The following UPP1 variants were observed in gnomAD, a reference collection of about 807,000 sequenced individuals.
The protein encoded by UPP1 is UPase 1.
A neutral mutation model predicts 29.6 loss-of-function variants in UPP1; 25 were observed. The observed-to-expected ratio is 0.85, with a 90% confidence interval of 0.62 to 1.18. The LOEUF (loss-of-function observed/expected upper bound fraction) is 1.18. UPP1 is among the 50% of genes most tolerant of loss of function. The pLI, the probability that UPP1 is intolerant of heterozygous loss-of-function variation, is 0.00. For missense variants in UPP1, 368 were observed against 410.4 expected (o/e 0.90, Z 0.89); for synonymous variants, 165 against 159.8 (o/e 1.03, Z -0.25).
At chr7:48,100,743 T>C (rs1792375377) in intron 4 of UPP1, among the ~76,000 whole-genome samples, 1 of 152,232 alleles carries the variant, frequency 6.6e-6, no homozygotes, top group South Asian at 2.1e-4. Context: ...CATCCTGTTC[T>C]TTGATAGTGT....
chr7:48,103,700 T>C, intron 6 of UPP1: 1 of 1,241,742 alleles, frequency 8.1e-7, no homozygotes, highest in Non-Finnish European at 1.1e-6. Context: ...GTCTGCTTGA[T>C]TCTGTCTTAT....
intron 4 of UPP1, among the ~76,000 whole-genome samples, chr7:48,101,158 C>T (rs1440460653): frequency 1.3e-5 from 2 of 152,102 alleles, no homozygotes; most frequent in Non-Finnish European, 1.5e-5. Context: ...TCTGCCTGCC[C>T]ACTCCCAAAG....
rs374652448 is a variant in UPP1 at position 48,107,098 on chromosome 7, C to T, written c.646+16C>T. The T allele has an allele frequency of 4.7e-5, 75 of 1,609,180 alleles. No individual in the cohort carries two copies. Among genetic ancestry groups the T allele is most frequent in the Non-Finnish European group, 6.3e-5 (74 of 1,177,968 alleles). ...TTCTATGAAGGTGAGGCAGCGGATA[C>T]GAGGAGGCATCTTTCAGCCAGGGAA... On this transcript the variant is annotated intron_variant, in intron 7 of 8. Coordinates refer to ENST00000395564, the MANE Select transcript of UPP1 (RefSeq NM_003364.4).
At chr7:48,105,202 T>G (rs572488877) in intron 6 of UPP1, 1 of 152,384 alleles carries the variant, frequency 6.6e-6, no homozygotes, top group Non-Finnish European at 1.5e-5. Flanking sequence ...TGCGTCCCAA[T>G]GTGAGTGATG....
Position 48,094,828 on chromosome 7 carries a change from G to C in UPP1, c.44+1G>C. 6.3e-7 allele frequency: 1 copy of C among 1,579,328 alleles called. No individual in the cohort carries two copies. Among genetic ancestry groups the C allele is most frequent in the South Asian group, 1.1e-5 (1 of 90,650 alleles). On this transcript the variant is annotated splice_donor_variant, in intron 3 of 8. Transcript: ENST00000395564. LOFTEE classifies it high-confidence loss of function. ...ATGCAGAGAAAGCTGAAAGTCACAA[G>C]TAAGGCTCCATTTCATTCCAGGTTG...
At chr7:48,091,133 TCTC>T (rs1488764179) in intron 2 of UPP1, among the ~76,000 whole-genome samples, 3 of 152,000 alleles carry the variant, frequency 2.0e-5, no homozygotes, top group Non-Finnish European at 4.4e-5. Context: ...TCTTCTTCCT[TCTC>T]CTCTCTCTCT....
intron 3 of UPP1, among the ~76,000 whole-genome samples, chr7:48,097,962 G>C (rs1195915394): frequency 6.6e-6 from 1 of 152,196 alleles, no homozygotes; most frequent in Non-Finnish European, 1.5e-5. Flanking sequence ...TGATTCTGGA[G>C]ATCCCCCCAA....
At chr7:48,096,185 C>G (rs1449757353) in intron 3 of UPP1, among the ~76,000 whole-genome samples, 1 of 152,158 alleles carries the variant, frequency 6.6e-6, no homozygotes, top group African/African-American at 2.4e-5. Flanking sequence ...CTCCCCTTCC[C>G]TCTCTTCAGT....
At chr7:48,099,012 C>T (rs1792275534) in intron 3 of UPP1, among the ~76,000 whole-genome samples, 1 of 151,854 alleles carries the variant, frequency 6.6e-6, no homozygotes, top group Non-Finnish European at 1.5e-5. Context: ...TAGCAGAAAT[C>T]ATGCAGCCTG....
intron 6 of UPP1, chr7:48,103,666 G>A (rs1363365535): frequency 9.4e-7 from 1 of 1,058,598 alleles, no homozygotes; most frequent in Non-Finnish European, 1.3e-6. Flanking sequence ...CATCCTTTTG[G>A]GGTTACACAA....
chr7:48,098,638 G>A (rs545533618), intron 3 of UPP1, among the ~76,000 whole-genome samples: 2 of 152,308 alleles, frequency 1.3e-5, no homozygotes. Context: ...CTGAGACCTT[G>A]CCTCTCTTGT....
chr7:48,103,961 T>C, intron 6 of UPP1: 1 of 1,229,166 alleles, frequency 8.1e-7, no homozygotes, highest in East Asian at 5.7e-5. Context: ...GGCTCACACC[T>C]GTAATCCCAG....
At chr7:48,099,583 C>A in intron 3 of UPP1, 87 bp from the exon 4 acceptor site, 1 of 903,358 alleles carries the variant, frequency 1.1e-6, no homozygotes, top group Non-Finnish European at 1.8e-6. Context: ...CCATGAGCCT[C>A]GTGTCTGACA....
chr7:48,101,966 C>CGGTGCT lies in UPP1; in HGVS notation c.307_312dup (p.Val103_Leu104dup), dbSNP rs1562655185. ...CGCTATGCCATGTATAAAGTAGGAC[C>CGGTGCT]GGTGCTGTCTGTCAGTGTGAGTACC... On this transcript the variant is annotated inframe_insertion, in exon 5 of 9. Coordinates refer to ENST00000395564, the MANE Select transcript of UPP1 (RefSeq NM_003364.4). 1 of 1,613,554 alleles carries CGGTGCT rather than the reference C, an allele frequency of 6.2e-7. No individual in the cohort carries two copies.
Position 48,102,001 on chromosome 7 carries a change from T to G in UPP1, c.321+19T>G. 1.9e-6 allele frequency: 3 copies of G among 1,609,744 alleles called. No homozygotes were observed. The South Asian group carries it at 3.3e-5, about 18-fold the overall frequency. On this transcript the variant is annotated intron_variant, in intron 5 of 8. Transcript: ENST00000395564. ...TGTCAGTGTGAGTACCTGCCTTCCC[T>G]TGTGCTCAGTCTCTAGGCTCTGCAA...
In UPP1 at chr7:48,106,881, C is replaced by G. The variant is rs769599263; in HGVS notation, c.445C>G (p.Pro149Ala). The G allele has an allele frequency of 6.2e-7, 1 of 1,613,688 alleles. No homozygotes were observed. Among genetic ancestry groups the G allele is most frequent in the Non-Finnish European group, 8.5e-7 (1 of 1,179,920 alleles). ...IGTSGGIGLE[P>A]GTVVITEQAV... ...TCTGCTTTTTTCCTCAGGTCTGGAGCCCGGCACTGTGGTCATAACAGAGCA... is the reference window on the plus strand; with the variant it reads ...TCTGCTTTTTTCCTCAGGTCTGGAGGCCGGCACTGTGGTCATAACAGAGCA... Residue 149 changes from proline to alanine, a missense_variant, in exon 7 of 9, where the codon CCC becomes GCC. Transcript: ENST00000395564.
At chr7:48,107,996 A>G (rs1792858100) in intron 8 of UPP1, among the ~76,000 whole-genome samples, 1 of 152,058 alleles carries the variant, frequency 6.6e-6, no homozygotes. Flanking sequence ...TAAGGGAGGG[A>G]CAGGGCAGGG....
intron 4 of UPP1, among the ~76,000 whole-genome samples, chr7:48,100,606 C>G (rs559656750): frequency 5.3e-5 from 8 of 152,242 alleles, no homozygotes; most frequent in Non-Finnish European, 1.2e-4. Context: ...TAACGTAGGA[C>G]TTTGAAATGT....
intron 2 of UPP1, among the ~76,000 whole-genome samples, chr7:48,093,486 C>T (rs1009170278): frequency 2.6e-5 from 4 of 152,200 alleles, no homozygotes; most frequent in African/African-American, 9.7e-5. Flanking sequence ...GAATCCTGCC[C>T]ACTCTGCAAG....
Sources: allele counts gnomAD v4.1 joint callset (sites outside exome capture counted in the v4.1 genomes callset), GRCh38; gene constraint gnomAD v4.1.1; transcripts MANE v1.5; gene names NCBI Gene and HGNC (gene_info 2026-07-23, HGNC 2026-07-21).